The following PTPN23 variants were observed in gnomAD, a reference collection of about 807,000 sequenced individuals.
PTPN23 encodes the protein protein tyrosine phosphatase non-receptor type 23.
In PTPN23, 72 loss-of-function variants were observed where a neutral mutation model predicts 156.3. That is an observed-to-expected ratio of 0.46 (90% CI 0.38 to 0.56). The LOEUF (loss-of-function observed/expected upper bound fraction) is 0.56, where lower values mean the gene tolerates loss of function less well. Ranked by LOEUF, PTPN23 falls within the 20% of genes least tolerant of loss-of-function variation. The pLI, the probability that PTPN23 is intolerant of heterozygous loss-of-function variation, is 0.00. For missense variants in PTPN23, 1,974 were observed against 2,171.5 expected (o/e 0.91, Z 1.81); for synonymous variants, 957 against 899.6 (o/e 1.06, Z -1.14).
chr3:47,404,460 G>A (rs910866745), intron 2 of PTPN23, among the ~76,000 whole-genome samples, 192 bp from the exon 3 acceptor site: 8 of 149,632 alleles, frequency 5.3e-5, no homozygotes, highest in South Asian at 2.1e-4. Flanking sequence ...AGATTCAGTC[G>A]GCCAGCTGCC....
rs760877933 is a variant in PTPN23 at position 47,406,428 on chromosome 3, G to T, written c.627+23G>T. The T allele has an allele frequency of 1.9e-6, 3 of 1,613,706 alleles. No individual in the cohort carries two copies. Among genetic ancestry groups the T allele is most frequent in the African/African-American group, 1.3e-5 (1 of 74,854 alleles). ...CAGGTAGGGACGGGGCTGAGGGGAG[G>T]CCTTCACTTTACTGCTGACTCCCCC... On this transcript the variant is annotated intron_variant, in intron 7 of 24. Coordinates refer to ENST00000265562, the MANE Select transcript of PTPN23 (RefSeq NM_015466.4). This position sits in a 1 kb window ranked among gnomAD's most constrained non-coding sequence, Gnocchi z 5.8.
intron 1 of PTPN23, among the ~76,000 whole-genome samples, chr3:47,384,609 T>C (rs1417401489): frequency 6.6e-6 from 1 of 152,174 alleles, no homozygotes; most frequent in Non-Finnish European, 1.5e-5. Context: ...TTGAGAGGGC[T>C]GGGCTTTTGA....
intron 2 of PTPN23, 166 bp downstream of exon 2, chr3:47,396,383 T>C: frequency 4.6e-6 from 2 of 436,998 alleles, no homozygotes; most frequent in East Asian, 4.9e-5. Flanking sequence ...GAGACCAGCC[T>C]GGCCAACATG....
At chr3:47,390,695 G>A (rs933606717) in intron 1 of PTPN23, among the ~76,000 whole-genome samples, 5 of 152,148 alleles carry the variant, frequency 3.3e-5, no homozygotes, top group African/African-American at 1.2e-4. Flanking sequence ...AGTCACAGAG[G>A]ATTTTGTTAG....
rs1705344539 is a variant in PTPN23 at position 47,412,591 on chromosome 3, A to G, written c.4395A>G (p.Pro1465=). Residue 1465 remains proline (P), a synonymous_variant, in exon 24 of 25, where the codon CCA becomes CCG. Coordinates refer to ENST00000265562, the MANE Select transcript of PTPN23 (RefSeq NM_015466.4). ...QVLQRHGVPP[P]CKPLASASIS... is the part of the protein sequence containing the mutation. ...TGCAGCGCCATGGTGTGCCTCCTCC[A>G]TGCAAACCCTTGGCCAGTGCAAGCA... 1.9e-6 allele frequency: 3 copies of G among 1,613,694 alleles called. No homozygotes were observed. Among genetic ancestry groups the G allele is most frequent in the Admixed American group, 3.3e-5 (2 of 60,014 alleles).
Position 47,412,162 on chromosome 3 carries a change from A to G in PTPN23, c.4142A>G (p.Gln1381Arg). The change falls in exon 22 of 25, where the codon CAG (glutamine) becomes CGG (arginine). Residue 1381 changes from glutamine (Q) to arginine (R), a missense_variant. Transcript: ENST00000265562. ...IQEVHAHYLH[Q>R]RPLHTPIIVH... ...GAGGTGCACGCACATTACCTGCATC[A>G]GCGGCCGCTGCACACGCCCATCATT... 1 of 1,613,178 alleles carries G rather than the reference A, an allele frequency of 6.2e-7. No homozygotes were observed. Among genetic ancestry groups the G allele is most frequent in the South Asian group, 1.1e-5 (1 of 91,084 alleles).
chr3:47,381,178 A>G lies in PTPN23; in HGVS notation c.82A>G (p.Lys28Glu), dbSNP rs1704527867. 1 of 1,582,608 alleles carries G rather than the reference A, an allele frequency of 6.3e-7. No homozygotes were observed. Among genetic ancestry groups the G allele is most frequent in the African/African-American group, 1.3e-5 (1 of 74,094 alleles). ...GDFHFQPAVK[K>E]FVLKNYGENP... ...CTTTCACTTCCAGCCAGCTGTGAAGAAGGTGAGCTTGCCTTCCATCTTCCC... is the reference window on the plus strand; with the variant it reads ...CTTTCACTTCCAGCCAGCTGTGAAGGAGGTGAGCTTGCCTTCCATCTTCCC... Residue 28 changes from lysine to glutamate, a missense_variant and splice_region_variant, in exon 1 of 25, where the codon AAG becomes GAG. Coordinates refer to ENST00000265562, the MANE Select transcript of PTPN23 (RefSeq NM_015466.4).
Position 47,407,686 on chromosome 3 carries a change from C to A in PTPN23, c.1004-11C>A. 4 of 1,610,342 alleles carry A rather than the reference C, an allele frequency of 2.5e-6. No individual in the cohort carries two copies. The highest frequency in any genetic ancestry group is 3.4e-6 in the Non-Finnish European group (4 of 1,176,730). On this transcript the variant is annotated splice_polypyrimidine_tract_variant and intron_variant, in intron 12 of 24. Coordinates refer to ENST00000265562, the MANE Select transcript of PTPN23 (RefSeq NM_015466.4). The surrounding 1 kb of genome is among the most constrained non-coding windows in gnomAD (Gnocchi z 4.0). ...GCGTGGGCCTGATCTCCACAATTCCCACCCCCCCAGGAGCCCCCTTGGTGA... is the reference window on the plus strand; with the variant it reads ...GCGTGGGCCTGATCTCCACAATTCCAACCCCCCCAGGAGCCCCCTTGGTGA...
In PTPN23 at chr3:47,410,946, G is replaced by A; in HGVS notation, c.3148G>A (p.Ala1050Thr). ...CCCTCAGCCTCCCCATCCCCCACTG[G>A]CATATGGTCCTGCCCCTTCTACCAG... ...GPPQPPHPPLAYGPAPSTRPM... is the reference protein window; with the variant it reads ...GPPQPPHPPLTYGPAPSTRPM... Residue 1050 changes from alanine to threonine, a missense_variant, in exon 20 of 25, where the codon GCA becomes ACA. Transcript: ENST00000265562. The A allele has an allele frequency of 3.1e-6, 5 of 1,607,754 alleles. No individual in the cohort carries two copies. Among genetic ancestry groups the A allele is most frequent in the Non-Finnish European group, 4.2e-6 (5 of 1,176,736 alleles).
At chr3:47,383,026 C>CT (rs1215480356) in intron 1 of PTPN23, among the ~76,000 whole-genome samples, 4 of 151,702 alleles carry the variant, frequency 2.6e-5, no homozygotes, top group South Asian at 2.1e-4. Context: ...GATCCGGTAT[C>CT]TTTTTTTTGG....
At position 47,410,146 on chromosome 3, in the gene PTPN23, G is replaced by A. The variant is rs200557594; in HGVS notation, c.2348G>A (p.Gly783Glu). The A allele has an allele frequency of 1.9e-5, 31 of 1,593,676 alleles. No individual in the cohort carries two copies. Among genetic ancestry groups the A allele is most frequent in the Non-Finnish European group, 2.7e-5 (31 of 1,168,898 alleles). Residue 783 changes from glycine (G) to glutamate (E), a missense_variant, in exon 20 of 25, where the codon GGA becomes GAA. By Grantham distance (98) the Gly-to-Glu change is moderately conservative. Around this residue, in one of 4 missense-constraint regions of PTPN23, gnomAD observed 731 missense variants for 669.1 expected, o/e 1.09. Coordinates refer to ENST00000265562, the MANE Select transcript of PTPN23 (RefSeq NM_015466.4). ...PSPFPSSTGP[G>E]PHYLSGPLPP... The stretch of plus-strand genomic sequence containing the variant: ...CCCTTCCCCAGCTCCACAGGCCCAG[G>A]ACCCCACTATCTCTCAGGCCCCTTG...
At position 47,401,762 on chromosome 3, in the gene PTPN23, G is replaced by A. The variant is rs552648168; in HGVS notation, c.160-2890G>A. ...ATGCTGTGAGCTGCAGCTGTGACAT[G>A]CCTTATCCTTGCACTGGGCATTCTA... On this transcript the variant is annotated intron_variant, in intron 2 of 24. Coordinates refer to ENST00000265562, the MANE Select transcript of PTPN23 (RefSeq NM_015466.4). Among the ~76,000 whole-genome samples the A allele has an allele frequency of 2.6e-5, 4 of 152,306 alleles. No individual in the cohort carries two copies. The East Asian group carries it at 5.8e-4, about 22-fold the overall frequency.
intron 1 of PTPN23, among the ~76,000 whole-genome samples, chr3:47,393,589 C>T (rs1380853848): frequency 1.3e-5 from 2 of 152,110 alleles, no homozygotes; most frequent in African/African-American, 2.4e-5. Context: ...CATGTGTTTC[C>T]TAAGAGTGAG....
chr3:47,409,656 T>C lies in PTPN23; in HGVS notation c.1951T>C (p.Trp651Arg), dbSNP rs1310613891. The change falls in exon 19 of 25, where the codon TGG (tryptophan) becomes CGG (arginine). Residue 651 changes from tryptophan (W) to arginine (R), a missense_variant and splice_region_variant. Physicochemically the swap from Trp to Arg is moderately radical, Grantham distance 101 (BLOSUM62 -3). Transcript: ENST00000265562. ...GGAGCTGGCCCTTCTGCCCACCAGGTGGAACTCCACGCTGCAGACCCTGGT... is the reference window on the plus strand; with the variant it reads ...GGAGCTGGCCCTTCTGCCCACCAGGCGGAACTCCACGCTGCAGACCCTGGT... ...RRVLSDLDQK[W>R]NSTLQTLVAS... The C allele has an allele frequency of 6.2e-7, 1 of 1,612,420 alleles. No individual in the cohort carries two copies. The highest frequency in any genetic ancestry group is 1.7e-5 in the Admixed American group (1 of 59,948).
chr3:47,381,706 C>G (rs1402304306), intron 1 of PTPN23, among the ~76,000 whole-genome samples: 2 of 152,218 alleles, frequency 1.3e-5, no homozygotes, highest in African/African-American at 4.8e-5. Flanking sequence ...GTTTGTTTTA[C>G]AATTGCTGCG....
At chr3:47,395,057 A>T (rs1704850546) in intron 1 of PTPN23, among the ~76,000 whole-genome samples, 1 of 152,224 alleles carries the variant, frequency 6.6e-6, no homozygotes, top group South Asian at 2.1e-4. Flanking sequence ...CCTCCCTGCC[A>T]TCTGTTCCTC....
intron 1 of PTPN23, among the ~76,000 whole-genome samples, chr3:47,385,752 T>G (rs1704639821): frequency 6.6e-6 from 1 of 152,216 alleles, no homozygotes; most frequent in Non-Finnish European, 1.5e-5. Flanking sequence ...CATCCTCAAG[T>G]GCAGGTGTAC....
Position 47,381,044 on chromosome 3 carries a change from A to C in PTPN23, c.-53A>C, listed in dbSNP as rs1704523141. ...GCGGGGCTGGGCTCGTGGCTGAGCC[A>C]GCAGCTGCAGCAGCTACGGGAGTGG... On this transcript the variant is annotated 5_prime_UTR_variant, in exon 1 of 25. Coordinates refer to ENST00000265562, the MANE Select transcript of PTPN23 (RefSeq NM_015466.4). 1.3e-6 allele frequency: 2 copies of C among 1,550,084 alleles called. No individual in the cohort carries two copies. The highest frequency in any genetic ancestry group is 2.4e-5 in the South Asian group (2 of 84,058).
chr3:47,412,940 C>T lies in PTPN23; in HGVS notation c.4666C>T (p.Pro1556Ser), dbSNP rs1252204794. 8.5e-6 allele frequency: 13 copies of T among 1,533,136 alleles called. No individual in the cohort carries two copies. Among genetic ancestry groups the T allele is most frequent in the African/African-American group, 1.4e-5 (1 of 72,210 alleles). 95.0% of individuals were successfully genotyped at this position (1,533,136 alleles called of 1,614,324 possible). ...PPLSSPLPEAPQPKEEPPVPE... is the reference protein window; with the variant it reads ...PPLSSPLPEASQPKEEPPVPE... ...CCTTTCCTCCCCACTACCTGAGGCT[C>T]CCCAGCCTAAGGAGGAGCCGCCAGT... Residue 1556 changes from proline to serine, a missense_variant, in exon 25 of 25, where the codon CCC becomes TCC. Pro to Ser is a moderately conservative substitution (Grantham distance 74). Around this residue, in one of 4 missense-constraint regions of PTPN23, gnomAD observed 484 missense variants for 516.0 expected, o/e 0.94. Transcript: ENST00000265562.
Sources: allele counts gnomAD v4.1 joint callset (sites outside exome capture counted in the v4.1 genomes callset), GRCh38; gene constraint gnomAD v4.1.1; regional missense constraint gnomAD v4.1.1; non-coding constraint Gnocchi (gnomAD v3.1); transcripts MANE v1.5; gene names NCBI Gene and HGNC (gene_info 2026-07-23, HGNC 2026-07-21).